The following SPEG variants were observed in gnomAD, a reference collection of about 807,000 sequenced individuals.
The protein encoded by SPEG is striated muscle enriched protein kinase.
Under a neutral mutation model 300.4 loss-of-function variants are expected in SPEG, and 114 were observed. The ratio of observed to expected loss-of-function variants is 0.38; its 90% CI spans 0.33 to 0.44. The LOEUF (loss-of-function observed/expected upper bound fraction) is 0.44, where lower values mean the gene tolerates loss of function less well. Among genes scored for constraint, SPEG ranks in the 20% least tolerant of loss-of-function variants. SPEG has a pLI of 1.00. For synonymous variants in SPEG, 1,964 were observed against 2,018.9 expected (o/e 0.97, Z 0.73); for missense variants, 4,201 against 4,586.2 (o/e 0.92, Z 2.43).
chr2:219,460,772 C>T, intron 6 of SPEG: 1 of 986,146 alleles, frequency 1.0e-6, no homozygotes, highest in South Asian at 4.7e-5. Flanking sequence ...CATCCAACCT[C>T]CTCCTTCCCC....
chr2:219,476,724 TGG>T (rs1692377198), intron 18 of SPEG, 144 bp from the exon 19 acceptor site: 2 of 406,398 alleles, frequency 4.9e-6, no homozygotes, highest in Non-Finnish European at 8.1e-6. Flanking sequence ...TTGGTGGGGG[TGG>T]GGGGTGGTGG....
At position 219,443,549 on chromosome 2, in the gene SPEG, C is replaced by G. The variant is rs754854808; in HGVS notation, c.389-1104C>G. 3.4e-6 allele frequency: 1 copy of G among 297,246 alleles called. No individual in the cohort carries two copies. The highest frequency in any genetic ancestry group is 6.5e-6 in the Non-Finnish European group (1 of 153,568). The allele number at this position is 297,246 out of a possible 1,614,324, so 18.4% of individuals were successfully genotyped here. A position where few individuals can be genotyped will look rare whatever the true frequency, so the allele number is the denominator to read the frequency against. On this transcript the variant is annotated intron_variant, in intron 1 of 40. Coordinates refer to ENST00000312358, the MANE Select transcript of SPEG (RefSeq NM_005876.5). This position sits in a 1 kb window ranked among gnomAD's most constrained non-coding sequence, Gnocchi z 4.6. ...CCAGGAACCTTTTCTCCTAACCTAA[C>G]CACTGGGCATTTTTGAGGACGATTC...
chr2:219,482,647 C>T, intron 28 of SPEG, 137 bp from the exon 29 acceptor site: 1 of 703,488 alleles, frequency 1.4e-6, no homozygotes, highest in Middle Eastern at 3.0e-4. Context: ...GGAAGGGGAC[C>T]CCCAGGAGCC....
Position 219,443,162 on chromosome 2 carries a change from G to A in SPEG, c.389-1491G>A, listed in dbSNP as rs756823808. On this transcript the variant is annotated intron_variant, in intron 1 of 40. Transcript: ENST00000312358. The surrounding 1 kb of genome is among the most constrained non-coding windows in gnomAD (Gnocchi z 4.6). Reference sequence around the variant, plus strand: ...CCGACTCACCCATGGTGCGTGGACCGTGGGCGTCCTTGCTCTAGCCCATGC... The same window carrying A: ...CCGACTCACCCATGGTGCGTGGACCATGGGCGTCCTTGCTCTAGCCCATGC... 8.7e-6 allele frequency: 14 copies of A among 1,611,644 alleles called. No individual in the cohort carries two copies. Among genetic ancestry groups the A allele is most frequent in the Admixed American group, 8.3e-5 (5 of 59,996 alleles).
At chr2:219,452,983 G>T (rs753305045) in intron 6 of SPEG, among the ~76,000 whole-genome samples, 1 of 152,120 alleles carries the variant, frequency 6.6e-6, no homozygotes, top group Non-Finnish European at 1.5e-5. Context: ...TATCCCTCCC[G>T]GGGCCCATTT....
rs1422088264 is a variant in SPEG, at chr2:219,439,277, A to T, written c.388+3912A>T. On this transcript the variant is annotated intron_variant, in intron 1 of 40. Coordinates refer to ENST00000312358, the MANE Select transcript of SPEG (RefSeq NM_005876.5). This position sits in a 1 kb window ranked among gnomAD's most constrained non-coding sequence, Gnocchi z 4.5. ...CTGCAGCTCTGCCACCCCCTCCCATATTTATTGAGTGCCTACTATGTGCTT... is the reference window on the plus strand; with the variant it reads ...CTGCAGCTCTGCCACCCCCTCCCATTTTTATTGAGTGCCTACTATGTGCTT... Among the ~76,000 whole-genome samples the T allele has an allele frequency of 3.9e-5, 6 of 152,106 alleles. No individual in the cohort carries two copies. Among genetic ancestry groups the T allele is most frequent in the Non-Finnish European group, 7.4e-5 (5 of 68,024 alleles).
chr2:219,462,291 C>G lies in SPEG; in HGVS notation c.2617-7C>G, dbSNP rs774234908. ...CTTCCCCTGACACTTTGGGGTACCCCCTTCAGGTCTCACTTATGGACCAGT... is the reference window on the plus strand; with the variant it reads ...CTTCCCCTGACACTTTGGGGTACCCGCTTCAGGTCTCACTTATGGACCAGT... On this transcript the variant is annotated splice_region_variant and splice_polypyrimidine_tract_variant and intron_variant, in intron 7 of 40. Transcript: ENST00000312358. 1 of 1,558,496 alleles carries G rather than the reference C, an allele frequency of 6.4e-7. No individual in the cohort carries two copies. The highest frequency in any genetic ancestry group is 8.7e-7 in the Non-Finnish European group (1 of 1,150,176).
chr2:219,451,322 G>A lies in SPEG; in HGVS notation c.2257+43G>A. On this transcript the variant is annotated intron_variant, in intron 5 of 40. Transcript: ENST00000312358. This position sits in a 1 kb window ranked among gnomAD's most constrained non-coding sequence, Gnocchi z 6.4. ...GCCAAGGTGCGGTCGAGGTTGGGAG[G>A]GGGTGTGTGAGAAGGGAAGGGGAGG... is the stretch of plus-strand genomic sequence containing the variant. 6.4e-7 allele frequency: 1 copy of A among 1,562,516 alleles called. No homozygotes were observed. Among genetic ancestry groups the A allele is most frequent in the African/African-American group, 1.4e-5 (1 of 73,300 alleles).
chr2:219,472,399 C>T, intron 15 of SPEG, 68 bp downstream of exon 15: 3 of 1,371,568 alleles, frequency 2.2e-6, no homozygotes, highest in South Asian at 2.4e-5. Flanking sequence ...AGGCAGGACA[C>T]CATGGGGGCC....
rs771649115 is a variant in SPEG at position 219,461,950 on chromosome 2, T to A, written c.2509T>A (p.Phe837Ile). Reference protein sequence around the residue: ...DEEYLSPPEEFPEPGETWPRT... With the variant: ...DEEYLSPPEEIPEPGETWPRT... ...GGAATACCTGAGCCCCCCAGAGGAG[T>A]TCCCAGAGCCTGGGGAGACCTGGCC... is the stretch of plus-strand genomic sequence containing the variant. The change falls in exon 7 of 41, where the codon TTC becomes ATC. Residue 837 changes from phenylalanine to isoleucine, a missense_variant. Physicochemically the swap from Phe to Ile is conservative, Grantham distance 21. Around this residue, in one of 4 missense-constraint regions of SPEG, gnomAD observed 1,258 missense variants for 1,293.9 expected, o/e 0.97. Transcript: ENST00000312358. 3.7e-6 allele frequency: 6 copies of A among 1,612,272 alleles called. No individual in the cohort carries two copies. The highest frequency in any genetic ancestry group is 5.1e-6 in the Non-Finnish European group (6 of 1,179,360).
chr2:219,465,615 C>G (rs1344918518), intron 9 of SPEG: 1 of 248,762 alleles, frequency 4.0e-6, no homozygotes, highest in African/African-American at 2.3e-5. Context: ...TGCTCCTGAT[C>G]CCATGAATGC....
Position 219,448,207 on chromosome 2 carries a change from C to T in SPEG, c.1049C>T (p.Thr350Ile). Residue 350 changes from threonine to isoleucine, a missense_variant, in exon 4 of 41, where the codon ACC becomes ATC. Physicochemically the swap from Thr to Ile is moderately conservative, Grantham distance 89. Transcript: ENST00000312358. The stretch of plus-strand genomic sequence containing the variant: ...CCTGTGCTGCCCGAGGACACCACCA[C>T]CGAAGAGAAGCGAGGGAAGAAGTCC... The part of the protein sequence containing the change: ...QEPVLPEDTT[T>I]EEKRGKKSKS... The T allele has an allele frequency of 6.2e-7, 1 of 1,612,528 alleles. No individual in the cohort carries two copies. Among genetic ancestry groups the T allele is most frequent in the Non-Finnish European group, 8.5e-7 (1 of 1,179,642 alleles).
chr2:219,438,457 C>T (rs1381975271), intron 1 of SPEG, among the ~76,000 whole-genome samples: 2 of 152,168 alleles, frequency 1.3e-5, no homozygotes, highest in Non-Finnish European at 1.5e-5. Context: ...GATTTGTCAT[C>T]GTCACCATCT....
At chr2:219,446,602 C>T (rs1689308466) in intron 3 of SPEG, among the ~76,000 whole-genome samples, 1 of 152,186 alleles carries the variant, frequency 6.6e-6, no homozygotes, top group Admixed American at 6.5e-5. Flanking sequence ...ACATCCTTAA[C>T]TCGGGACCCC....
Position 219,483,976 on chromosome 2 carries a change from C to A in SPEG, c.6513C>A (p.Ser2171Arg). 6.2e-7 allele frequency: 1 copy of A among 1,610,234 alleles called. No homozygotes were observed. The highest frequency in any genetic ancestry group is 8.5e-7 in the Non-Finnish European group (1 of 1,179,868). The stretch of plus-strand genomic sequence containing the variant: ...AGTCTCCTTCCCTGTCTGCCCTCAG[C>A]GAGGCCCAGCCATCCAGCCCTGCAC... ...LQESPSLSALSEAQPSSPARP... is the reference protein window; with the variant it reads ...LQESPSLSALREAQPSSPARP... The change falls in exon 30 of 41, where the codon AGC becomes AGA. Residue 2171 changes from serine to arginine, a missense_variant. This residue lies in a region of SPEG where 1,578 missense variants were observed against 1,506.0 expected (regional missense o/e 1.05). Transcript: ENST00000312358.
chr2:219,453,573 C>T (rs529754831), intron 6 of SPEG, among the ~76,000 whole-genome samples: 5 of 152,336 alleles, frequency 3.3e-5, no homozygotes, highest in African/African-American at 1.2e-4. Flanking sequence ...CCTGCAGACC[C>T]TCTGTATTTC....
chr2:219,483,610 A>T lies in SPEG; in HGVS notation c.6147A>T (p.Gly2049=). ...CGCAGCGCCGGAGCCCCAGCCCGGG[A>T]GCCACCCGCCTGGCCCGGGGAGGCC... The part of the protein sequence containing the change: ...ELPQRRSPSP[G]ATRLARGGLG... Residue 2049 remains glycine (G), a synonymous_variant, in exon 30 of 41, where the codon GGA becomes GGT. Transcript: ENST00000312358. 1 of 1,502,310 alleles carries T rather than the reference A, an allele frequency of 6.7e-7. No individual in the cohort carries two copies. The highest frequency in any genetic ancestry group is 1.5e-5 in the African/African-American group (1 of 68,830). The allele number at this position is 1,502,310 out of a possible 1,614,324, so 93.1% of individuals were successfully genotyped here.
rs1275166677 is a variant in SPEG, at chr2:219,488,184, T to C, written c.7742-10T>C. 6 of 1,601,918 alleles carry C rather than the reference T, an allele frequency of 3.7e-6. No individual in the cohort carries two copies. Among genetic ancestry groups the C allele is most frequent in the Non-Finnish European group, 5.1e-6 (6 of 1,170,746 alleles). ...CTACAGATAGATGGCTGTCTCTGCT[T>C]TTCCTCCAGACTTCCCCCCAGTCTT... On this transcript the variant is annotated splice_polypyrimidine_tract_variant and intron_variant, in intron 31 of 40. Transcript: ENST00000312358.
Position 219,443,696 on chromosome 2 carries a change from G to C in SPEG, c.389-957G>C, listed in dbSNP as rs1397294260. Reference sequence around the variant, plus strand: ...AAATATTGTAATAGAGGGTGGGCCTGACTCCTAATGGGAGGCCCAGGTCTG... The same window carrying C: ...AAATATTGTAATAGAGGGTGGGCCTCACTCCTAATGGGAGGCCCAGGTCTG... On this transcript the variant is annotated intron_variant, in intron 1 of 40. Transcript: ENST00000312358. The surrounding 1 kb of genome is among the most constrained non-coding windows in gnomAD (Gnocchi z 4.6). 3.0e-6 allele frequency: 1 copy of C among 333,662 alleles called. No individual in the cohort carries two copies. Among genetic ancestry groups the C allele is most frequent in the Non-Finnish European group, 5.9e-6 (1 of 168,426 alleles). The allele number at this position is 333,662 out of a possible 1,614,324, so 20.7% of individuals were successfully genotyped here.
Sources: gnomAD v4.1 joint callset for allele counts (sites outside exome capture counted in the v4.1 genomes callset) on GRCh38, gnomAD v4.1.1 for gene constraint, gnomAD v4.1.1 regional missense constraint, Gnocchi (gnomAD v3.1) non-coding constraint, MANE v1.5 for transcripts, NCBI Gene and HGNC (gene_info 2026-07-23, HGNC 2026-07-21) for gene names.